Variants in NEB observed in about 807,000 individuals in gnomAD.
The protein encoded by NEB is nebulin, also known as nemaline myopathy type 2.
Under a neutral mutation model 952.2 loss-of-function variants are expected in NEB, and 512 were observed. That is an observed-to-expected ratio of 0.54 (90% CI 0.50 to 0.58). The LOEUF is 0.58. Ranked by LOEUF, NEB falls within the 20% of genes least tolerant of loss-of-function variation. The pLI, the probability that NEB is intolerant of heterozygous loss-of-function variation, is 0.00. For synonymous variants in NEB, 2,900 were observed against 3,149.8 expected, an observed-to-expected ratio of 0.92 and a Z score of 2.66; for missense variants, 8,428 against 9,231.1, an observed-to-expected ratio of 0.91 and a Z score of 3.56.
chr2:151,686,945 C>G (rs1398392672), intron 27 of NEB, among the ~76,000 whole-genome samples: 2 of 152,034 alleles, frequency 1.3e-5, no homozygotes, highest in African/African-American at 4.8e-5. Context: ...TTATCAGAGT[C>G]TCAGGGGGGT....
intron 165 of NEB, among the ~76,000 whole-genome samples, chr2:151,505,122 G>A (rs1180242950): frequency 6.6e-6 from 1 of 152,096 alleles, no homozygotes; most frequent in Non-Finnish European, 1.5e-5. Context: ...ATGTTTATAT[G>A]TATATGCTTT....
chr2:151,547,799 C>G (rs2094895214), intron 131 of NEB, 61 bp from the exon 132 acceptor site: 2 of 1,092,990 alleles, frequency 1.8e-6, no homozygotes, highest in Non-Finnish European at 2.7e-6. Flanking sequence ...CATCTACTGA[C>G]TAATCAAGAA....
chr2:151,572,752 C>A (rs774125775), intron 107 of NEB, among the ~76,000 whole-genome samples: 12 of 150,256 alleles, frequency 8.0e-5, no homozygotes, highest in Non-Finnish European at 1.8e-4. Flanking sequence ...TCATTCATCA[C>A]GTTGGCCAGG....
chr2:151,682,599 G>T lies in NEB; in HGVS notation c.2943+63C>A, dbSNP rs1052454804. The T allele has an allele frequency of 1.5e-5, 20 of 1,325,704 alleles. No homozygotes were observed. In the African/African-American group the frequency reaches 2.9e-4, roughly 19 times the overall value. The allele number at this position is 1,325,704 out of a possible 1,614,324, so 82.1% of individuals were successfully genotyped here. A position where few individuals can be genotyped will look rare whatever the true frequency, so the allele number is the denominator to read the frequency against. On this transcript the variant is annotated intron_variant, in intron 29 of 181. Coordinates refer to ENST00000397345, the MANE Select transcript of NEB (RefSeq NM_001164508.2). ...GAAGCAATGAAGGAGCACTGCCCATGCTTTTGAGAGCTTTAACACAACACA... is the reference window on the plus strand; with the variant it reads ...GAAGCAATGAAGGAGCACTGCCCATTCTTTTGAGAGCTTTAACACAACACA...
intron 10 of NEB, among the ~76,000 whole-genome samples, chr2:151,713,058 G>A (rs1013672923): frequency 2.0e-5 from 3 of 152,048 alleles, no homozygotes; most frequent in Non-Finnish European, 2.9e-5. Flanking sequence ...ACCTTCTCTG[G>A]GTAAGAGGGT....
chr2:151,655,970 T>G lies in NEB; in HGVS notation c.6549A>C (p.Pro2183=). ...NEWYKGLGWS[P]AGSLEVEKAK... ...CCTTCTCCACTTCCAGAGAACCTGC[T>G]GGACTCCAGCCAAGCCCTTTGTACC... Residue 2183 remains proline, a synonymous_variant, in exon 50 of 182, where the codon CCA becomes CCC. Transcript: ENST00000397345. 1 of 1,613,784 alleles carries G rather than the reference T, an allele frequency of 6.2e-7. No individual in the cohort carries two copies. Among genetic ancestry groups the G allele is most frequent in the South Asian group, 1.1e-5 (1 of 91,082 alleles).
chr2:151,614,168 T>A, intron 77 of NEB, 108 bp downstream of exon 77: 1 of 1,248,520 alleles, frequency 8.0e-7, no homozygotes, highest in South Asian at 1.5e-5. Flanking sequence ...CAGAACATTA[T>A]CCTAAAGAGG....
chr2:151,533,390 T>G, intron 143 of NEB, 52 bp downstream of exon 143: 1 of 1,175,030 alleles, frequency 8.5e-7, no homozygotes. Flanking sequence ...TACAAGGGAA[T>G]GCATCCAAGA....
At chr2:151,502,387 TA>T (rs34816284) in intron 167 of NEB, among the ~76,000 whole-genome samples, 86,223 of 145,426 alleles carry the variant, frequency 0.59, 25,265 homozygotes, top group Admixed American at 0.69. Context: ...CATCTAAACA[TA>T]AAAAAAAAAA....
Position 151,560,793 on chromosome 2 carries a change from A to T in NEB, c.19207-94T>A, listed in dbSNP as rs188017153. On this transcript the variant is annotated intron_variant, in intron 123 of 181. Coordinates refer to ENST00000397345, the MANE Select transcript of NEB (RefSeq NM_001164508.2). ...TTCCTTCTGTGTCTGTCCTTCTCAC[A>T]CACTCCCTACTAACTCCCAGGACTC... is the stretch of plus-strand genomic sequence containing the variant. The T allele has an allele frequency of 9.5e-5, 90 of 943,758 alleles. 1 individual carries two copies. The East Asian group carries it at 1.9e-3, about 20-fold the overall frequency. The allele number at this position is 943,758 out of a possible 1,614,324, so 58.5% of individuals were successfully genotyped here. A position where few individuals can be genotyped will look rare whatever the true frequency, so the allele number is the denominator to read the frequency against.
intron 151 of NEB, among the ~76,000 whole-genome samples, chr2:151,524,874 G>A (rs1473242971): frequency 6.6e-6 from 1 of 151,656 alleles, no homozygotes; most frequent in African/African-American, 2.4e-5. Context: ...CACCATATTG[G>A]CCAGGCTGGT....
chr2:151,665,496 C>A lies in NEB; in HGVS notation c.5075G>T (p.Gly1692Val), dbSNP rs371822291. 19 of 1,611,536 alleles carry A rather than the reference C, an allele frequency of 1.2e-5. No individual in the cohort carries two copies. The highest frequency in any genetic ancestry group is 1.5e-5 in the Non-Finnish European group (18 of 1,178,982). The change falls in exon 42 of 182, where the codon GGC becomes GTC. Residue 1692 changes from glycine (G) to valine (V), a missense_variant. By Grantham distance (109) the Gly-to-Val change is moderately radical. Around this residue, in one of 11 missense-constraint regions of NEB, gnomAD observed 2,851 missense variants for 2,791.5 expected, o/e 1.02. Coordinates refer to ENST00000397345, the MANE Select transcript of NEB (RefSeq NM_001164508.2). ...CTCCAGGGACTCTATGGGCACCCAG[C>A]CGATCCCTTTCATCCAATTGGTGAA... Reference protein sequence around the residue: ...SDFTNWMKGIGWVPIESLEVE... With the variant: ...SDFTNWMKGIVWVPIESLEVE...
chr2:151,626,035 AGTTT>A (rs920328874), intron 70 of NEB, among the ~76,000 whole-genome samples: 1 of 151,726 alleles, frequency 6.6e-6, no homozygotes, highest in African/African-American at 2.4e-5. Context: ...GTTTGTTGTT[AGTTT>A]ATTAGCTGCA....
chr2:151,668,037 T>G (rs2099242117), intron 39 of NEB, 126 bp from the exon 40 acceptor site: 2 of 665,704 alleles, frequency 3.0e-6, no homozygotes, highest in Non-Finnish European at 5.0e-6. Flanking sequence ...TCTATGAAGT[T>G]AGGACTATTA....
chr2:151,655,722 A>T, intron 50 of NEB, 95 bp downstream of exon 50: 1 of 1,319,354 alleles, frequency 7.6e-7, no homozygotes, highest in Non-Finnish European at 1.1e-6. Context: ...CAGCCTAGGA[A>T]TGATGGACCT....
At chr2:151,636,769 G>C (rs529337570) in intron 63 of NEB, among the ~76,000 whole-genome samples, 47 of 150,390 alleles carry the variant, frequency 3.1e-4, no homozygotes, top group Admixed American at 1.1e-3. Flanking sequence ...CAACAAGAGT[G>C]AAACTCCATC....
intron 71 of NEB, among the ~76,000 whole-genome samples, chr2:151,621,464 T>TA (rs1261808294): frequency 1.4e-4 from 21 of 152,238 alleles, no homozygotes; most frequent in African/African-American, 5.1e-4. Context: ...AGTGCTGAAC[T>TA]AAAGATGTGT....
chr2:151,609,661 T>C, intron 81 of NEB, 148 bp downstream of exon 81: 1 of 562,946 alleles, frequency 1.8e-6, no homozygotes, highest in Non-Finnish European at 2.9e-6. Context: ...AGATGGATTT[T>C]ATATTAAACA....
At chr2:151,717,679 CCCT>C (rs1424375257) in intron 9 of NEB, among the ~76,000 whole-genome samples, 159 bp from the exon 10 acceptor site, 1 of 152,076 alleles carries the variant, frequency 6.6e-6, no homozygotes, top group Non-Finnish European at 1.5e-5. Context: ...GAATTTTCTT[CCCT>C]CCTCCTCAAG....
Sources: allele counts gnomAD v4.1 joint callset (sites outside exome capture counted in the v4.1 genomes callset), GRCh38; gene constraint gnomAD v4.1.1; regional missense constraint gnomAD v4.1.1; transcripts MANE v1.5; gene names NCBI Gene and HGNC (gene_info 2026-07-23, HGNC 2026-07-21).